TOX: variants seen among roughly 807,000 people sequenced by gnomAD.
TOX encodes thymocyte selection-associated high mobility group box protein TOX.
Under a neutral mutation model 53.7 loss-of-function variants are expected in TOX, and 11 were observed. The observed-to-expected ratio is 0.20, with a 90% CI of 0.13 to 0.34. The LOEUF (loss-of-function observed/expected upper bound fraction) is 0.34, where lower values mean the gene tolerates loss of function less well. TOX is among the 10% of genes least tolerant of loss of function. The pLI is 1.00. For synonymous variants in TOX, 225 were observed against 245.3 expected (o/e 0.92, Z 0.77); for missense variants, 570 against 664.6 (o/e 0.86, Z 1.56).
chr8:59,072,310 T>C (rs1044125270), intron 1 of TOX, among the ~76,000 whole-genome samples: 1 of 152,192 alleles, frequency 6.6e-6, no homozygotes, highest in African/African-American at 2.4e-5. Flanking sequence ...ACTAAAAAAA[T>C]CTTTCCGCAA....
chr8:58,962,998 G>A (rs537802688), intron 1 of TOX, among the ~76,000 whole-genome samples: 17 of 152,324 alleles, frequency 1.1e-4, no homozygotes, highest in Middle Eastern at 3.4e-3. Flanking sequence ...TCTCCCCAAG[G>A]TGGGTGGGCC....
At chr8:58,998,513 A>AATAAATT (rs1563413309) in intron 1 of TOX, among the ~76,000 whole-genome samples, 24 of 50,840 alleles carry the variant, frequency 4.7e-4, no homozygotes, top group African/African-American at 1.4e-3. Flanking sequence ...ATATATATAT[A>AATAAATT]TATATATATA....
chr8:59,026,944 CAGA>C (rs1814253518), intron 1 of TOX, among the ~76,000 whole-genome samples: 1 of 149,924 alleles, frequency 6.7e-6, no homozygotes, highest in African/African-American at 2.5e-5. Context: ...GTGATTAGTC[CAGA>C]AGGAGTGAGG....
intron 3 of TOX, among the ~76,000 whole-genome samples, chr8:58,901,250 G>A (rs13252116): frequency 0.06 from 9,127 of 152,166 alleles, 341 homozygotes; most frequent in South Asian, 0.092. Flanking sequence ...AAATGCATGA[G>A]ACAAATAAAT....
intron 3 of TOX, among the ~76,000 whole-genome samples, chr8:58,884,119 G>A (rs979609299): frequency 6.6e-6 from 1 of 152,152 alleles, no homozygotes; most frequent in African/African-American, 2.4e-5. Context: ...TTGTAACATA[G>A]AGACAAGCAA....
rs1363935456 is a variant in TOX, at chr8:59,080,976, A to C, written c.102+37910T>G. Reference sequence around the variant, plus strand: ...CACCTGTGTGTTGGTGGAAGTTATAAATTTTAGATGTTGTATCTGACAGTG... The same window carrying C: ...CACCTGTGTGTTGGTGGAAGTTATACATTTTAGATGTTGTATCTGACAGTG... On this transcript the variant is annotated intron_variant, in intron 1 of 8. Coordinates refer to ENST00000361421, the MANE Select transcript of TOX (RefSeq NM_014729.3). Among the ~76,000 whole-genome samples the C allele has an allele frequency of 3.3e-5, 5 of 152,204 alleles. No individual in the cohort carries two copies. In the East Asian group the frequency reaches 9.7e-4, roughly 29 times the overall value.
At chr8:59,076,052 A>G (rs1003835626) in intron 1 of TOX, among the ~76,000 whole-genome samples, 2 of 151,360 alleles carry the variant, frequency 1.3e-5, no homozygotes, top group Non-Finnish European at 2.9e-5. Context: ...GAGGGAGGGA[A>G]GGGAGAGCTC....
chr8:58,923,691 G>T (rs979113474), intron 3 of TOX, among the ~76,000 whole-genome samples: 1 of 152,036 alleles, frequency 6.6e-6, no homozygotes, highest in Non-Finnish European at 1.5e-5. Context: ...CATTTGTTTT[G>T]CTAGACACTG....
intron 1 of TOX, among the ~76,000 whole-genome samples, chr8:59,015,580 G>A (rs935759313): frequency 1.3e-5 from 2 of 152,156 alleles, no homozygotes; most frequent in Middle Eastern, 3.4e-3. Flanking sequence ...TCGTAATTAC[G>A]ATTATAAAAT....
At chr8:58,817,309 C>T (rs981907164) in intron 6 of TOX, among the ~76,000 whole-genome samples, 4 of 151,700 alleles carry the variant, frequency 2.6e-5, no homozygotes, top group Non-Finnish European at 5.9e-5. Context: ...ACATCAAAAA[C>T]TGTTCATGCA....
At chr8:59,099,356 C>T (rs1804766172) in intron 1 of TOX, among the ~76,000 whole-genome samples, 1 of 152,198 alleles carries the variant, frequency 6.6e-6, no homozygotes, top group South Asian at 2.1e-4. Context: ...TACCAAGCTA[C>T]AAACAGGACC....
At chr8:58,975,358 T>C (rs1278676514) in intron 1 of TOX, among the ~76,000 whole-genome samples, 2 of 152,112 alleles carry the variant, frequency 1.3e-5, no homozygotes, top group Non-Finnish European at 2.9e-5. Context: ...GGGGAGTCTA[T>C]GACCAGGTTC....
chr8:58,858,298 CA>C (rs992760353), intron 3 of TOX, among the ~76,000 whole-genome samples: 3 of 152,238 alleles, frequency 2.0e-5, no homozygotes, highest in Non-Finnish European at 2.9e-5. Flanking sequence ...GTGTGCTTCA[CA>C]ATCCTTCCAG....
chr8:58,922,535 C>CACATATATATGTGTATAT (rs1812090930), intron 3 of TOX, among the ~76,000 whole-genome samples: 1 of 152,094 alleles, frequency 6.6e-6, no homozygotes, highest in Non-Finnish European at 1.5e-5. Flanking sequence ...CACAAACACA[C>CACATATATATGTGTATAT]ACATATATAT....
chr8:59,059,643 G>C (rs1228449373), intron 1 of TOX, among the ~76,000 whole-genome samples: 1 of 152,090 alleles, frequency 6.6e-6, no homozygotes, highest in Non-Finnish European at 1.5e-5. Flanking sequence ...ATGCAGAATG[G>C]ATTACATTAT....
intron 1 of TOX, among the ~76,000 whole-genome samples, chr8:59,096,431 C>T (rs1563445366): frequency 6.6e-6 from 1 of 152,156 alleles, no homozygotes; most frequent in African/African-American, 2.4e-5. Context: ...GAAATGAATT[C>T]CTCTCCCCTT....
chr8:59,085,627 A>G (rs1409130885), intron 1 of TOX, among the ~76,000 whole-genome samples: 3 of 152,170 alleles, frequency 2.0e-5, no homozygotes, highest in Non-Finnish European at 2.9e-5. Context: ...GGCTTAAACA[A>G]TCCTCCTGCC....
intron 1 of TOX, among the ~76,000 whole-genome samples, chr8:59,045,455 G>C (rs904521017): frequency 2.6e-5 from 4 of 152,190 alleles, no homozygotes; most frequent in Non-Finnish European, 5.9e-5. Context: ...CTGCTGCTGA[G>C]ACGCAAAGAA....
intron 3 of TOX, among the ~76,000 whole-genome samples, chr8:58,896,658 A>G (rs1811652420): frequency 6.7e-6 from 1 of 149,828 alleles, no homozygotes; most frequent in East Asian, 2.0e-4. Context: ...CTGGTGACAG[A>G]GCGAGAATCC....
Sources: allele counts gnomAD v4.1 joint callset (sites outside exome capture counted in the v4.1 genomes callset), GRCh38; gene constraint gnomAD v4.1.1; transcripts MANE v1.5; gene names NCBI Gene and HGNC (gene_info 2026-07-23, HGNC 2026-07-21).